Variants in CHAD observed in about 807,000 individuals in gnomAD.
The protein encoded by CHAD is chondroadherin.
Under a neutral mutation model 24.0 loss-of-function variants are expected in CHAD, and 18 were observed. That is an observed-to-expected ratio of 0.75 (90% CI 0.52 to 1.11). CHAD has a LOEUF of 1.11. CHAD is among the 50% of genes most tolerant of loss of function. The pLI, the probability that CHAD is intolerant of heterozygous loss-of-function variation, is 0.00. For synonymous variants in CHAD, 195 were observed against 211.6 expected (o/e 0.92, Z 0.68); for missense variants, 440 against 467.2 (o/e 0.94, Z 0.54).
chr17:50,467,767 T>C (rs1351735500), intron 1 of CHAD: 2 of 369,630 alleles, frequency 5.4e-6, no homozygotes, highest in Non-Finnish European at 9.7e-6. Flanking sequence ...GCACTGGAGA[T>C]GGCCCTAGGG....
chr17:50,465,936 T>G, intron 1 of CHAD, 66 bp from the exon 2 acceptor site: 4 of 1,582,474 alleles, frequency 2.5e-6, no homozygotes, highest in Non-Finnish European at 3.5e-6. Context: ...AGCACCCGAG[T>G]GCCAGAGGGG....
chr17:50,467,945 T>C, intron 1 of CHAD, 95 bp downstream of exon 1: 3 of 1,345,334 alleles, frequency 2.2e-6, no homozygotes, highest in Non-Finnish European at 3.0e-6. Flanking sequence ...ACAGGGAACC[T>C]GGGGACGGGG....
At chr17:50,465,651 A>G (rs1343688176) in intron 2 of CHAD, 56 bp downstream of exon 2, 1 of 1,591,706 alleles carries the variant, frequency 6.3e-7, no homozygotes, top group Non-Finnish European at 8.6e-7. Context: ...GTGCAGGGCT[A>G]ATGTGCCTCT....
rs1434340311 is a variant in CHAD, at chr17:50,468,604, C to T, written c.210G>A (p.Ser70=). 1 of 1,614,190 alleles carries T rather than the reference C, an allele frequency of 6.2e-7. No homozygotes were observed. Among genetic ancestry groups the T allele is most frequent in the Non-Finnish European group, 8.5e-7 (1 of 1,180,004 alleles). The change falls in exon 1 of 4, where the codon TCG becomes TCA. Residue 70 remains serine (S), a synonymous_variant. Coordinates refer to ENST00000508540, the MANE Select transcript of CHAD (RefSeq NM_001267.3). ...RNNFPVLAAN[S]FRAMPNLVSL... ...ACACGAGGTTCGGCATGGCCCGGAA[C>T]GAATTGGCAGCCAGCACCGGGAAGT... is the stretch of plus-strand genomic sequence containing the variant.
chr17:50,465,141 C>A, intron 3 of CHAD, 92 bp from the exon 4 acceptor site: 1 of 819,974 alleles, frequency 1.2e-6, no homozygotes, highest in East Asian at 2.6e-5. Context: ...CCTTTTCCTC[C>A]CTTCAACAGG....
At chr17:50,465,469 G>A (rs749613909) in intron 2 of CHAD, 30 bp from the exon 3 acceptor site, 12 of 1,612,182 alleles carry the variant, frequency 7.4e-6, no homozygotes, top group Middle Eastern at 1.8e-4. Context: ...CTGGGGCTGG[G>A]GAAGAAGGTG....
chr17:50,468,244 G>A lies in CHAD; in HGVS notation c.570C>T (p.Ala190=). ...TGGCGAGGTTCTCCACGTCGTCCAG[G>A]GCCCCGGGCTGCAGGGAGCTCAACG... is the stretch of plus-strand genomic sequence containing the variant. ...ENALSSLQPG[A]LDDVENLAKF... Residue 190 remains alanine, a synonymous_variant, in exon 1 of 4, where the codon GCC becomes GCT. Coordinates refer to ENST00000508540, the MANE Select transcript of CHAD (RefSeq NM_001267.3). 3 of 1,612,010 alleles carry A rather than the reference G, an allele frequency of 1.9e-6. No individual in the cohort carries two copies. Among genetic ancestry groups the A allele is most frequent in the Non-Finnish European group, 2.5e-6 (3 of 1,178,332 alleles).
rs775980214 is a variant in CHAD, at chr17:50,468,320, C to A, written c.494G>T (p.Gly165Val). The change falls in exon 1 of 4, where the codon GGC becomes GTC. Residue 165 changes from glycine (G) to valine (V), a missense_variant. Coordinates refer to ENST00000508540, the MANE Select transcript of CHAD (RefSeq NM_001267.3). ...CAGGTCCTTGGCTCCCTGGAAGGCG[C>A]CTGCGCGCAGCTCACGGATCTTGTT... ...NNNKIRELRA[G>V]AFQGAKDLRW... 7 of 1,614,026 alleles carry A rather than the reference C, an allele frequency of 4.3e-6. No homozygotes were observed. Among genetic ancestry groups the A allele is most frequent in the Admixed American group, 1.7e-5 (1 of 60,018 alleles).
chr17:50,465,690 C>T lies in CHAD; in HGVS notation c.938+17G>A. ...ACATGAGGGTGGGCTCTGGGAGTGA[C>T]ATGGAAGTGTTCTTACCGCCGAAGG... On this transcript the variant is annotated intron_variant, in intron 2 of 3. Transcript: ENST00000508540. 6.2e-7 allele frequency: 1 copy of T among 1,612,850 alleles called. No homozygotes were observed. The highest frequency in any genetic ancestry group is 8.5e-7 in the Non-Finnish European group (1 of 1,179,708).
chr17:50,465,972 A>AT, intron 1 of CHAD, 102 bp from the exon 2 acceptor site: 2 of 1,337,636 alleles, frequency 1.5e-6, no homozygotes, highest in South Asian at 2.6e-5. Flanking sequence ...AACCTGAGCC[A>AT]TAGCACTTTG....
chr17:50,467,631 G>C lies in CHAD; in HGVS notation c.774+409C>G, dbSNP rs557913222. The stretch of plus-strand genomic sequence containing the variant: ...CCTGATCTGCCCAGCTCCTCTGGAA[G>C]GCTCCTCAATAAACAAACCTTCCTT... On this transcript the variant is annotated intron_variant, in intron 1 of 3. Transcript: ENST00000508540. Among the ~76,000 whole-genome samples the C allele has an allele frequency of 2.6e-5, 4 of 152,248 alleles. No individual in the cohort carries two copies. The East Asian group carries it at 7.7e-4, about 29-fold the overall frequency.
chr17:50,468,464 C>G lies in CHAD; in HGVS notation c.350G>C (p.Gly117Ala), dbSNP rs1204552121. The change falls in exon 1 of 4, where the codon GGT (glycine) becomes GCT (alanine). Residue 117 changes from glycine to alanine, a missense_variant. Physicochemically the swap from Gly to Ala is moderately conservative, Grantham distance 60. Coordinates refer to ENST00000508540, the MANE Select transcript of CHAD (RefSeq NM_001267.3). ...CAGCTCGGTCAGGTCGTCGAAGGCA[C>G]CTGCGCGCAGCACGCGGATGTCGTT... ...SHNDIRVLRA[G>A]AFDDLTELTY... 1 of 1,614,258 alleles carries G rather than the reference C, an allele frequency of 6.2e-7. No individual in the cohort carries two copies. Among genetic ancestry groups the G allele is most frequent in the South Asian group, 1.1e-5 (1 of 91,088 alleles).
At chr17:50,465,156 C>A in intron 3 of CHAD, 107 bp from the exon 4 acceptor site, 1 of 959,116 alleles carries the variant, frequency 1.0e-6, no homozygotes. Flanking sequence ...AACAGGGGAC[C>A]CAGTCGTCCC....
At position 50,464,642 on chromosome 17, in the gene CHAD, C is replaced by T; in HGVS notation, c.*412G>A. 1 of 490,962 alleles carries T rather than the reference C, an allele frequency of 2.0e-6. No individual in the cohort carries two copies. The highest frequency in any genetic ancestry group is 4.0e-6 in the Non-Finnish European group (1 of 250,802). 30.4% of individuals were successfully genotyped at this position (490,962 alleles called of 1,614,324 possible). On this transcript the variant is annotated 3_prime_UTR_variant, in exon 4 of 4. Transcript: ENST00000508540. ...TGGGGCATGGGCTTTAAAACCCTTT[C>T]TGGAAGCAAGGGGTGGGGCAAGGAT...
chr17:50,465,332 G>C lies in CHAD; in HGVS notation c.1046C>G (p.Pro349Arg), dbSNP rs747079960. 6.2e-7 allele frequency: 1 copy of C among 1,614,062 alleles called. No homozygotes were observed. The highest frequency in any genetic ancestry group is 8.5e-7 in the Non-Finnish European group (1 of 1,180,016). ...GCCAGCTTTCTTGGACCTCTTGGTG[G>C]GGAACTTGCAGCTGCGGAAGGCGTC... ...DTDAFRSCKF[P>R]TKRSKKAGRH The change falls in exon 3 of 4, where the codon CCC becomes CGC. Residue 349 changes from proline to arginine, a missense_variant. Transcript: ENST00000508540.
chr17:50,467,995 G>T, intron 1 of CHAD, 45 bp downstream of exon 1: 1 of 1,519,422 alleles, frequency 6.6e-7, no homozygotes, highest in Non-Finnish European at 8.8e-7. Context: ...GGGCCTCCAG[G>T]AAGGGAAGAA....
intron 2 of CHAD, 61 bp downstream of exon 2, chr17:50,465,646 G>A (rs1035395459): frequency 1.3e-6 from 2 of 1,588,558 alleles, no homozygotes; most frequent in Non-Finnish European, 1.7e-6. Context: ...TCTTAGTGCA[G>A]GGCTAATGTG....
In CHAD at chr17:50,467,004, C is replaced by T. The variant is rs150950371; in HGVS notation, c.774+1036G>A. ...GAGATTCTGCCCACATCTCCACACCCGCACCCTTTCCTGTGGCCCACATTG... is the reference window on the plus strand; with the variant it reads ...GAGATTCTGCCCACATCTCCACACCTGCACCCTTTCCTGTGGCCCACATTG... On this transcript the variant is annotated intron_variant, in intron 1 of 3. Transcript: ENST00000508540. 1.0e-3 allele frequency among the ~76,000 whole-genome samples: 156 copies of T among 152,304 alleles called. No individual in the cohort carries two copies. In the Middle Eastern group the frequency reaches 0.024, roughly 23 times the overall value.
intron 1 of CHAD, among the ~76,000 whole-genome samples, chr17:50,466,089 TC>T (rs2032698605): frequency 1.5e-5 from 2 of 134,432 alleles, no homozygotes; most frequent in East Asian, 2.0e-4. Context: ...TTTTTTTTTT[TC>T]CTTTTTTTTT....
Sources: gnomAD v4.1 joint callset for allele counts (sites outside exome capture counted in the v4.1 genomes callset) on GRCh38, gnomAD v4.1.1 for gene constraint, MANE v1.5 for transcripts, NCBI Gene and HGNC (gene_info 2026-07-23, HGNC 2026-07-21) for gene names.